IQGAP1: variants seen among roughly 807,000 people sequenced by gnomAD.
IQGAP1 encodes the protein ras GTPase-activating-like protein IQGAP1.
IQGAP1 carries 66 observed loss-of-function variants against 215.6 expected under a neutral mutation model. The observed-to-expected ratio is 0.31, with a 90% confidence interval of 0.25 to 0.38. The LOEUF is 0.38. IQGAP1 is among the 10% of genes least tolerant of loss of function. The pLI is 1.00. For missense variants in IQGAP1, 1,712 were observed against 1,997.1 expected, an observed-to-expected ratio of 0.86 and a Z score of 2.72; for synonymous variants, 772 against 728.7, an observed-to-expected ratio of 1.06 and a Z score of -0.96.
intron 2 of IQGAP1, among the ~76,000 whole-genome samples, chr15:90,421,690 G>A (rs1362293168): frequency 2.0e-5 from 3 of 151,992 alleles, no homozygotes; most frequent in Admixed American, 1.3e-4. Flanking sequence ...ATTCAGCCAG[G>A]TTTGTTTGTT....
At chr15:90,460,163 A>G (rs957967615) in intron 15 of IQGAP1, among the ~76,000 whole-genome samples, 4 of 152,212 alleles carry the variant, frequency 2.6e-5, no homozygotes, top group Non-Finnish European at 4.4e-5. Context: ...AAGTTTATTA[A>G]GAAAGTAAAG....
chr15:90,494,556 A>G (rs1315399723), intron 35 of IQGAP1, 157 bp from the exon 36 acceptor site: 1 of 495,680 alleles, frequency 2.0e-6, no homozygotes, highest in Non-Finnish European at 3.6e-6. Flanking sequence ...GATATTGCTT[A>G]GGCTAATTCT....
intron 30 of IQGAP1, 109 bp downstream of exon 30, chr15:90,484,461 A>G: frequency 1.3e-6 from 1 of 745,722 alleles, no homozygotes; most frequent in South Asian, 1.8e-5. Context: ...AATCTAACTG[A>G]CAATGCATCT....
At chr15:90,414,379 C>G (rs971728856) in intron 2 of IQGAP1, among the ~76,000 whole-genome samples, 1 of 151,450 alleles carries the variant, frequency 6.6e-6, no homozygotes, top group Non-Finnish European at 1.5e-5. Context: ...ACATTTGCTG[C>G]CTCTCCTTCC....
intron 15 of IQGAP1, among the ~76,000 whole-genome samples, chr15:90,456,894 AT>A (rs762165206): frequency 0.023 from 2,126 of 93,422 alleles, 44 homozygotes; most frequent in African/African-American, 0.079. Context: ...TCTCAAAAAA[AT>A]ATATATATAT....
At chr15:90,476,559 A>G in intron 23 of IQGAP1, 104 bp from the exon 24 acceptor site, 1 of 762,584 alleles carries the variant, frequency 1.3e-6, no homozygotes, top group Non-Finnish European at 2.1e-6. Flanking sequence ...CTGCCAGTGC[A>G]GTACACCTTC....
chr15:90,451,075 C>T (rs1427316486), intron 11 of IQGAP1, among the ~76,000 whole-genome samples: 3 of 152,108 alleles, frequency 2.0e-5, no homozygotes, highest in Non-Finnish European at 4.4e-5. Context: ...CCAATGTTTT[C>T]TTCCAGTCGC....
rs1965924695 is a variant in IQGAP1, at chr15:90,472,873, C to T, written c.2212C>T (p.Arg738Ter). ...CTCTGGGGTGACTGCCGCATATAAC[C>T]GAGAACAGCTGTGGCTGGCCAATGA... ...SISGVTAAYN[R>*]EQLWLANEGL... The change falls in exon 19 of 38, where the codon CGA becomes TGA. Residue 738 changes from arginine to a stop codon, truncating the protein, a stop_gained. Transcript: ENST00000268182. LOFTEE classifies it high-confidence loss of function. 1.9e-6 allele frequency: 3 copies of T among 1,613,488 alleles called. No individual in the cohort carries two copies. Among genetic ancestry groups the T allele is most frequent in the Non-Finnish European group, 8.5e-7 (1 of 1,179,680 alleles).
At chr15:90,484,155 ATGTCCTCT>A (rs1309847260) in intron 29 of IQGAP1, 57 bp from the exon 30 acceptor site, 20 of 1,481,658 alleles carry the variant, frequency 1.3e-5, no homozygotes, top group Non-Finnish European at 1.8e-5. Context: ...GGTTTGTGAA[ATGTCCTCT>A]TGCCAACTTC....
chr15:90,428,227 T>C (rs936662241), intron 3 of IQGAP1, among the ~76,000 whole-genome samples: 1 of 151,954 alleles, frequency 6.6e-6, no homozygotes. Flanking sequence ...AGCATGCTAC[T>C]ACACCAGGCT....
intron 23 of IQGAP1, among the ~76,000 whole-genome samples, chr15:90,475,068 C>T (rs1356375904): frequency 1.4e-5 from 2 of 143,246 alleles, no homozygotes; most frequent in Non-Finnish European, 3.0e-5. Flanking sequence ...GGCGTGATCT[C>T]GGCTCACTGC....
At chr15:90,418,104 T>C (rs1596256783) in intron 2 of IQGAP1, among the ~76,000 whole-genome samples, 1 of 152,168 alleles carries the variant, frequency 6.6e-6, no homozygotes, top group East Asian at 1.9e-4. Context: ...GTAATTCCCT[T>C]GAAGGTGCTG....
intron 15 of IQGAP1, among the ~76,000 whole-genome samples, chr15:90,464,258 G>A (rs1965800426): frequency 6.6e-6 from 1 of 152,124 alleles, no homozygotes. Flanking sequence ...AACCTGAAGT[G>A]CCTTGTCTTT....
At chr15:90,477,588 A>C in intron 25 of IQGAP1, 77 bp from the exon 26 acceptor site, 1 of 1,030,114 alleles carries the variant, frequency 9.7e-7, no homozygotes, top group Non-Finnish European at 1.5e-6. Context: ...TCAGGGAGAT[A>C]GGATCTTTAA....
chr15:90,434,331 G>A lies in IQGAP1; in HGVS notation c.467+536G>A, dbSNP rs895320236. ...CGGGTGCCTGTAATCCCAGCTACTC[G>A]GGAGGCTGAGGCAGGAGAATTGCTT... is the stretch of plus-strand genomic sequence containing the variant. On this transcript the variant is annotated intron_variant, in intron 5 of 37. Coordinates refer to ENST00000268182, the MANE Select transcript of IQGAP1 (RefSeq NM_003870.4). Among the ~76,000 whole-genome samples the A allele has an allele frequency of 2.6e-4, 39 of 151,950 alleles. No individual in the cohort carries two copies. In the Middle Eastern group the frequency reaches 0.01, roughly 40 times the overall value.
intron 2 of IQGAP1, among the ~76,000 whole-genome samples, chr15:90,398,837 T>C (rs2151002437): frequency 6.6e-6 from 1 of 152,094 alleles, no homozygotes; most frequent in East Asian, 1.9e-4. Context: ...ACCTCATCTG[T>C]ACTAAAAATA....
intron 2 of IQGAP1, among the ~76,000 whole-genome samples, chr15:90,403,782 TC>T (rs1448771492): frequency 6.6e-6 from 1 of 152,170 alleles, no homozygotes; most frequent in East Asian, 1.9e-4. Context: ...CAAGCGATTG[TC>T]CCGCCTCAGC....
chr15:90,422,628 A>ATATG, intron 2 of IQGAP1, among the ~76,000 whole-genome samples: 1 of 45,584 alleles, frequency 2.2e-5, no homozygotes, highest in African/African-American at 1.1e-4. Flanking sequence ...ATATATATGT[A>ATATG]TATATATATA....
At chr15:90,473,169 CTGTAG>C (rs1965929752) in intron 19 of IQGAP1, 159 bp downstream of exon 19, 1 of 653,156 alleles carries the variant, frequency 1.5e-6, no homozygotes, top group Admixed American at 2.9e-5. Flanking sequence ...TACCATTTAA[CTGTAG>C]TGTGCCTACA....
Sources: gnomAD v4.1 joint callset for allele counts (sites outside exome capture counted in the v4.1 genomes callset) on GRCh38, gnomAD v4.1.1 for gene constraint, MANE v1.5 for transcripts, NCBI Gene and HGNC (gene_info 2026-07-23, HGNC 2026-07-21) for gene names.